Variants in TASP1 observed in about 807,000 individuals in gnomAD.
TASP1 encodes the protein threonine aspartase 1.
In TASP1, 16 loss-of-function variants were observed where a neutral mutation model predicts 56.6. The ratio of observed to expected loss-of-function variants is 0.28; its 90% CI spans 0.19 to 0.43. TASP1 has a LOEUF of 0.43. Among genes scored for constraint, TASP1 ranks in the 20% least tolerant of loss-of-function variants. The pLI, the probability that TASP1 is intolerant of heterozygous loss-of-function variation, is 1.00. For synonymous variants in TASP1, 179 were observed against 184.2 expected (o/e 0.97, Z 0.23); for missense variants, 393 against 511.6 (o/e 0.77, Z 2.24).
the TASP1 span, among the ~76,000 whole-genome samples, chr20:13,304,053 C>G: frequency 6.6e-6 from 1 of 152,154 alleles, no homozygotes; most frequent in East Asian, 1.9e-4. Context: ...GTATGACTTT[C>G]TAGGATGCCC....
intron 10 of TASP1, among the ~76,000 whole-genome samples, chr20:13,503,423 A>G (rs1405841640): frequency 2.0e-5 from 3 of 152,174 alleles, no homozygotes; most frequent in Non-Finnish European, 4.4e-5. Flanking sequence ...TAGGCGTAAA[A>G]AAAAGGTTTA....
the TASP1 span, among the ~76,000 whole-genome samples, chr20:13,278,786 T>C: frequency 1.3e-5 from 2 of 152,178 alleles, no homozygotes; most frequent in Non-Finnish European, 2.9e-5. Flanking sequence ...AGTGACCCAA[T>C]TGAGGCTGGA....
chr20:13,434,640 C>T (rs1233975868), intron 12 of TASP1, among the ~76,000 whole-genome samples: 5 of 152,164 alleles, frequency 3.3e-5, no homozygotes, highest in African/African-American at 1.2e-4. Flanking sequence ...GGACTGACCT[C>T]TAAGGCCAGT....
chr20:13,635,763 C>T (rs1410842860), intron 1 of TASP1, among the ~76,000 whole-genome samples: 2 of 152,190 alleles, frequency 1.3e-5, no homozygotes, highest in African/African-American at 4.8e-5. Flanking sequence ...CTAACTTTAT[C>T]TTCTGTCTTA....
In TASP1 at chr20:13,554,749, A is replaced by T. The variant is rs192086290; in HGVS notation, c.675+4259T>A. On this transcript the variant is annotated intron_variant, in intron 8 of 13. Transcript: ENST00000337743. ...TGTATAATAGCATTATGTTTAAAAAAATATGCATACCTTAACTTTAAAATA... is the reference window on the plus strand; with the variant it reads ...TGTATAATAGCATTATGTTTAAAAATATATGCATACCTTAACTTTAAAATA... Among the ~76,000 whole-genome samples, 470 of 152,288 alleles carry T rather than the reference A, an allele frequency of 3.1e-3. 8 individuals carry two copies. Among genetic ancestry groups the T allele is most frequent in the Non-Finnish European group, 1.4e-3 (92 of 68,024 alleles).
chr20:13,588,962 A>G (rs2047421768), intron 4 of TASP1, among the ~76,000 whole-genome samples: 1 of 152,208 alleles, frequency 6.6e-6, no homozygotes, highest in Admixed American at 6.5e-5. Flanking sequence ...ATAAATTGAT[A>G]TAATAGAAAT....
chr20:13,142,993 C>G, the TASP1 span, among the ~76,000 whole-genome samples: 17 of 152,306 alleles, frequency 1.1e-4, no homozygotes, highest in East Asian at 3.3e-3. Context: ...TTAATTAGGA[C>G]TTCATTACTG....
the TASP1 span, among the ~76,000 whole-genome samples, chr20:13,210,966 T>C: frequency 0.11 from 16,038 of 152,098 alleles, 1,172 homozygotes; most frequent in East Asian, 0.29. Context: ...GCCGACATTC[T>C]CCTATGTGGC....
intron 13 of TASP1, among the ~76,000 whole-genome samples, chr20:13,406,905 A>G (rs1366887442): frequency 1.3e-5 from 2 of 152,032 alleles, no homozygotes; most frequent in African/African-American, 4.8e-5. Flanking sequence ...TGACCTGGTG[A>G]TCTGCCCGCC....
the TASP1 span, among the ~76,000 whole-genome samples, chr20:13,358,037 C>T: frequency 2.0e-5 from 3 of 152,258 alleles, no homozygotes; most frequent in African/African-American, 4.8e-5. Flanking sequence ...TGTAAATGGC[C>T]GGTCCTTGCC....
chr20:13,331,755 C>A, the TASP1 span, among the ~76,000 whole-genome samples: 1 of 150,230 alleles, frequency 6.7e-6, no homozygotes, highest in Non-Finnish European at 1.5e-5. Flanking sequence ...TTCCACAGTG[C>A]TTTTTTAAGT....
chr20:13,559,179 T>C (rs2046260963), intron 7 of TASP1, 65 bp from the exon 8 acceptor site: 2 of 1,039,282 alleles, frequency 1.9e-6, no homozygotes, highest in Non-Finnish European at 2.7e-6. Context: ...ATGGGTCAAA[T>C]AAGATATCTG....
chr20:13,230,784 T>G, the TASP1 span, among the ~76,000 whole-genome samples: 1 of 152,194 alleles, frequency 6.6e-6, no homozygotes, highest in African/African-American at 2.4e-5. Flanking sequence ...AACCTCACTT[T>G]GCATTTTATT....
intron 4 of TASP1, among the ~76,000 whole-genome samples, chr20:13,622,903 T>C (rs1258174464): frequency 2.0e-5 from 3 of 152,096 alleles, no homozygotes; most frequent in African/African-American, 7.2e-5. Context: ...AGAACCTCAC[T>C]CTAGAGTATA....
At chr20:13,404,344 T>G (rs2041841635) in intron 13 of TASP1, among the ~76,000 whole-genome samples, 1 of 152,244 alleles carries the variant, frequency 6.6e-6, no homozygotes, top group African/African-American at 2.4e-5. Flanking sequence ...GGCTCACACT[T>G]GTAATCTCAG....
rs150523239 is a variant in TASP1, at chr20:13,594,394, T to C, written c.283-7024A>G. 3.7e-3 allele frequency among the ~76,000 whole-genome samples: 559 copies of C among 152,274 alleles called. 3 individuals carry two copies. Among genetic ancestry groups the C allele is most frequent in the African/African-American group, 0.012 (512 of 41,560 alleles). ...AATGACTTTGAGGAGATGACAGAAGTAGGCTTCAGAAGGTCGGTAATAACA... is the reference window on the plus strand; with the variant it reads ...AATGACTTTGAGGAGATGACAGAAGCAGGCTTCAGAAGGTCGGTAATAACA... On this transcript the variant is annotated intron_variant, in intron 4 of 13. Transcript: ENST00000337743.
chr20:13,571,003 C>G (rs1239566059), intron 6 of TASP1, among the ~76,000 whole-genome samples: 1 of 152,228 alleles, frequency 6.6e-6, no homozygotes. Flanking sequence ...CTCAGCACTC[C>G]CATTGGTCAC....
the TASP1 span, among the ~76,000 whole-genome samples, chr20:13,321,156 C>T: frequency 1.3e-5 from 2 of 148,426 alleles, no homozygotes; most frequent in Non-Finnish European, 3.0e-5. Flanking sequence ...GAGCTGAGAT[C>T]ATGCCACTAC....
At chr20:13,313,386 C>T in the TASP1 span, among the ~76,000 whole-genome samples, 1 of 152,308 alleles carries the variant, frequency 6.6e-6, no homozygotes, top group Non-Finnish European at 1.5e-5. Flanking sequence ...GTGTCAATCA[C>T]AGAATTTTGG....
Sources: allele counts gnomAD v4.1 joint callset (sites outside exome capture counted in the v4.1 genomes callset), GRCh38; gene constraint gnomAD v4.1.1; transcripts MANE v1.5; gene names NCBI Gene and HGNC (gene_info 2026-07-23, HGNC 2026-07-21).